DOK6: variants seen among roughly 807,000 people sequenced by gnomAD.
DOK6 encodes docking protein 6.
In DOK6, 22 loss-of-function variants were observed where a neutral mutation model predicts 44.0. The observed-to-expected ratio is 0.50, with a 90% CI of 0.36 to 0.71. The LOEUF (loss-of-function observed/expected upper bound fraction) is 0.71, where lower values mean the gene tolerates loss of function less well. Ranked by LOEUF, DOK6 falls within the 30% of genes least tolerant of loss-of-function variation. The probability of loss-of-function intolerance (pLI) is 0.00; values close to 1 mark genes in which losing one functional copy is unlikely to be tolerated. For synonymous variants in DOK6, 166 were observed against 145.5 expected, an observed-to-expected ratio of 1.14 and a Z score of -1.01; for missense variants, 340 against 416.4, an observed-to-expected ratio of 0.82 and a Z score of 1.60.
At chr18:69,432,944 T>C (rs1198777700) in intron 1 of DOK6, among the ~76,000 whole-genome samples, 5 of 152,186 alleles carry the variant, frequency 3.3e-5, no homozygotes, top group African/African-American at 1.2e-4. Flanking sequence ...GCACATTCCA[T>C]GTTAATAAAT....
At chr18:69,528,038 C>T (rs1981882121) in intron 1 of DOK6, among the ~76,000 whole-genome samples, 1 of 151,858 alleles carries the variant, frequency 6.6e-6, no homozygotes, top group South Asian at 2.1e-4. Flanking sequence ...TGGTGGGTGC[C>T]TGTAGTCCCA....
intron 1 of DOK6, among the ~76,000 whole-genome samples, chr18:69,468,457 AAC>A (rs903110215): frequency 1.3e-5 from 2 of 152,218 alleles, no homozygotes; most frequent in African/African-American, 4.8e-5. Context: ...TCAATGCAAT[AAC>A]ACACACTATA....
intron 5 of DOK6, 47 bp downstream of exon 5, chr18:69,698,640 G>C (rs754685770): frequency 6.3e-7 from 1 of 1,582,642 alleles, no homozygotes; most frequent in East Asian, 2.2e-5. Flanking sequence ...CTGTATAACA[G>C]AGTCTGTATA....
intron 7 of DOK6, among the ~76,000 whole-genome samples, chr18:69,809,694 C>G (rs971721157): frequency 6.6e-6 from 1 of 150,496 alleles, no homozygotes; most frequent in African/African-American, 2.4e-5. Context: ...TATACACTAA[C>G]AAAAAAAATC....
chr18:69,648,802 A>T (rs1985148471), intron 3 of DOK6, among the ~76,000 whole-genome samples: 1 of 152,196 alleles, frequency 6.6e-6, no homozygotes, highest in Non-Finnish European at 1.5e-5. Flanking sequence ...ATAGCTGTTC[A>T]TGCAACTGGG....
intron 7 of DOK6, among the ~76,000 whole-genome samples, chr18:69,814,854 A>G (rs901675480): frequency 6.6e-6 from 1 of 152,142 alleles, no homozygotes; most frequent in African/African-American, 2.4e-5. Flanking sequence ...ATTACAATTC[A>G]AGATGAGATT....
intron 3 of DOK6, among the ~76,000 whole-genome samples, chr18:69,647,236 T>G (rs1985107134): frequency 6.7e-6 from 1 of 149,924 alleles, no homozygotes. Context: ...AAAGCTGGTC[T>G]TCTAGTTTCA....
intron 4 of DOK6, among the ~76,000 whole-genome samples, chr18:69,685,400 T>G (rs1986130542): frequency 6.6e-6 from 1 of 152,200 alleles, no homozygotes; most frequent in Admixed American, 6.5e-5. Context: ...TGCTTCCTAC[T>G]CTGCACATTG....
intron 1 of DOK6, among the ~76,000 whole-genome samples, chr18:69,495,790 A>C (rs1345519625): frequency 6.6e-6 from 1 of 152,156 alleles, no homozygotes; most frequent in Non-Finnish European, 1.5e-5. Flanking sequence ...AACTACCTGC[A>C]ACACCCCCTC....
At chr18:69,830,449 C>T (rs907978075) in intron 7 of DOK6, among the ~76,000 whole-genome samples, 3 of 152,166 alleles carry the variant, frequency 2.0e-5, no homozygotes, top group Non-Finnish European at 2.9e-5. Context: ...AACTGACATG[C>T]TCACACACAG....
intron 3 of DOK6, among the ~76,000 whole-genome samples, chr18:69,671,398 C>T (rs753600769): frequency 6.6e-6 from 1 of 152,210 alleles, no homozygotes; most frequent in African/African-American, 2.4e-5. Context: ...TAGGTGGTAA[C>T]ACATTTCCTT....
chr18:69,433,138 A>T (rs1001890778), intron 1 of DOK6, among the ~76,000 whole-genome samples: 10 of 152,280 alleles, frequency 6.6e-5, no homozygotes, highest in Admixed American at 5.2e-4. Flanking sequence ...GTGTGTTCTA[A>T]TGCATTTGAA....
intron 3 of DOK6, among the ~76,000 whole-genome samples, chr18:69,624,693 G>T (rs562213747): frequency 6.6e-5 from 10 of 151,836 alleles, no homozygotes; most frequent in African/African-American, 1.9e-4. Context: ...ACATGTGTGG[G>T]GTTATTTTCT....
chr18:69,549,053 G>C (rs1039371453), intron 1 of DOK6, among the ~76,000 whole-genome samples: 1 of 147,970 alleles, frequency 6.8e-6, no homozygotes, highest in African/African-American at 2.5e-5. Flanking sequence ...CCAAGATCGC[G>C]CCACTGCACA....
intron 1 of DOK6, among the ~76,000 whole-genome samples, chr18:69,528,088 G>A (rs555637261): frequency 2.6e-5 from 4 of 151,460 alleles, no homozygotes; most frequent in East Asian, 1.9e-4. Context: ...GCTTGAACCC[G>A]GGAGGTGGAG....
intron 5 of DOK6, among the ~76,000 whole-genome samples, chr18:69,704,284 G>A (rs1321334148): frequency 6.6e-6 from 1 of 152,070 alleles, no homozygotes; most frequent in African/African-American, 2.4e-5. Context: ...GGAATATTTG[G>A]AAAGTATATT....
At chr18:69,506,072 G>T (rs1032434375) in intron 1 of DOK6, among the ~76,000 whole-genome samples, 1 of 151,948 alleles carries the variant, frequency 6.6e-6, no homozygotes, top group African/African-American at 2.4e-5. Context: ...AGCAACAAAT[G>T]AATGTAGCTG....
intron 3 of DOK6, among the ~76,000 whole-genome samples, chr18:69,653,474 G>A (rs1373783121): frequency 6.6e-6 from 1 of 152,094 alleles, no homozygotes; most frequent in African/African-American, 2.4e-5. Context: ...AGGGGCTGAA[G>A]AAGCCAAGCT....
rs1373279104 is a variant in DOK6, at chr18:69,693,071, G to A, written c.410-5333G>A. 3.4e-4 allele frequency among the ~76,000 whole-genome samples: 51 copies of A among 152,026 alleles called. 1 individual carries two copies. Among genetic ancestry groups the A allele is most frequent in the Non-Finnish European group, 1.5e-5 (1 of 67,976 alleles). Reference sequence around the variant, plus strand: ...TTTGAGCCATTTTTGGCTTTTAAGAGGAAGACAAGCTAAAAGTATAAGGAG... The same window carrying A: ...TTTGAGCCATTTTTGGCTTTTAAGAAGAAGACAAGCTAAAAGTATAAGGAG... On this transcript the variant is annotated intron_variant, in intron 4 of 7. Coordinates refer to ENST00000382713, the MANE Select transcript of DOK6 (RefSeq NM_152721.6).
Sources: allele counts gnomAD v4.1 joint callset (sites outside exome capture counted in the v4.1 genomes callset), GRCh38; gene constraint gnomAD v4.1.1; transcripts MANE v1.5; gene names NCBI Gene and HGNC (gene_info 2026-07-23, HGNC 2026-07-21).